Variants in TMEM181 observed in about 807,000 individuals in gnomAD.
TMEM181 encodes transmembrane protein 181.
Under a neutral mutation model 71.9 loss-of-function variants are expected in TMEM181, and 39 were observed. The observed-to-expected ratio is 0.54, with a 90% CI of 0.42 to 0.71. The LOEUF is 0.71. Ranked by LOEUF, TMEM181 falls within the 30% of genes least tolerant of loss-of-function variation. TMEM181 has a pLI of 0.00. For synonymous variants in TMEM181, 245 were observed against 228.8 expected (o/e 1.07, Z -0.64); for missense variants, 595 against 583.0 (o/e 1.02, Z -0.21).
intron 5 of TMEM181, among the ~76,000 whole-genome samples, chr6:158,587,582 A>G (rs1444378650): frequency 3.3e-5 from 5 of 150,556 alleles, no homozygotes; most frequent in African/African-American, 1.2e-4. Flanking sequence ...CTCCTGCTTC[A>G]GCCTCCCAAG....
chr6:158,557,621 A>G (rs1781949776), upstream of TMEM181, among the ~76,000 whole-genome samples: 2 of 151,976 alleles, frequency 1.3e-5, no homozygotes, highest in African/African-American at 4.8e-5. Context: ...GGGTTTAAGC[A>G]ATTCTCCTGC....
At chr6:158,538,258 A>G (rs966235825) in intron 1 of TMEM181, among the ~76,000 whole-genome samples, 5 of 150,924 alleles carry the variant, frequency 3.3e-5, no homozygotes, top group African/African-American at 1.2e-4. Flanking sequence ...TGGCTCAACC[A>G]AGCAATCCTT....
chr6:158,605,110 T>C (rs1392666848), intron 6 of TMEM181, among the ~76,000 whole-genome samples, 157 bp from the exon 7 acceptor site: 1 of 116,628 alleles, frequency 8.6e-6, no homozygotes, highest in Admixed American at 9.1e-5. Context: ...CGAGACTCCA[T>C]ATCCAAAAAA....
intron 6 of TMEM181, among the ~76,000 whole-genome samples, chr6:158,596,659 C>T (rs1203333393): frequency 2.0e-5 from 3 of 152,110 alleles, no homozygotes; most frequent in African/African-American, 7.2e-5. Flanking sequence ...CAAAGACGTA[C>T]CCAAGACTGG....
At chr6:158,578,334 A>G (rs567714459) in intron 2 of TMEM181, among the ~76,000 whole-genome samples, 1 of 152,346 alleles carries the variant, frequency 6.6e-6, no homozygotes, top group East Asian at 1.9e-4. Context: ...AAAAGCTCAT[A>G]TTATTGTAAC....
chr6:158,549,796 T>G (rs1176353380), intron 1 of TMEM181, among the ~76,000 whole-genome samples: 2 of 152,252 alleles, frequency 1.3e-5, no homozygotes, highest in Admixed American at 6.5e-5. Context: ...TGGGCAGGTG[T>G]TGTTGCAGGA....
rs113307938 is a variant in TMEM181 at position 158,630,389 on chromosome 6, G to A, written c.1282+570G>A. ...CATGTGCCTGTAGTCCTAGCTACTC[G>A]GTTGGCTGAGGAGGGACGGTCGCTT... On this transcript the variant is annotated intron_variant, in intron 15 of 16. Coordinates refer to ENST00000684151, the MANE Select transcript of TMEM181 (RefSeq NM_001376852.1). Among the ~76,000 whole-genome samples the A allele has an allele frequency of 3.2e-4, 48 of 152,134 alleles. 2 individuals are homozygous for A. Among genetic ancestry groups the A allele is most frequent in the African/African-American group, 1.1e-3 (45 of 41,502 alleles).
intron 3 of TMEM181, among the ~76,000 whole-genome samples, chr6:158,582,620 G>C (rs559995626): frequency 2.0e-5 from 3 of 151,566 alleles, no homozygotes; most frequent in Non-Finnish European, 4.4e-5. Flanking sequence ...AGCCATGATT[G>C]CACCACTACA....
chr6:158,561,875 C>T (rs1017120104), intron 1 of TMEM181, among the ~76,000 whole-genome samples: 4 of 152,124 alleles, frequency 2.6e-5, no homozygotes, highest in African/African-American at 7.2e-5. Context: ...AGGCACCTAC[C>T]TGGAAACTGA....
chr6:158,629,250 T>C (rs571006581), intron 14 of TMEM181, among the ~76,000 whole-genome samples: 1 of 152,352 alleles, frequency 6.6e-6, no homozygotes, highest in South Asian at 2.1e-4. Flanking sequence ...TTTCAAAGTT[T>C]TGTGACTGAA....
chr6:158,629,190 T>C (rs1786522345), intron 14 of TMEM181, among the ~76,000 whole-genome samples: 1 of 152,202 alleles, frequency 6.6e-6, no homozygotes, highest in African/African-American at 2.4e-5. Flanking sequence ...CTGGGTTCTT[T>C]CTTTGGGATT....
At chr6:158,617,936 G>A (rs1201931508) in intron 10 of TMEM181, among the ~76,000 whole-genome samples, 2 of 152,250 alleles carry the variant, frequency 1.3e-5, no homozygotes, top group Admixed American at 6.5e-5. Context: ...ATGTGGTGCT[G>A]AGAAGAATGT....
rs1486085551 is a variant in TMEM181 at position 158,635,070 on chromosome 6, G to GA, written c.*3184dup. 1 of 151,826 alleles carries GA rather than the reference G, an allele frequency of 6.6e-6. No individual in the cohort carries two copies. Among genetic ancestry groups the GA allele is most frequent in the African/African-American group, 2.4e-5 (1 of 41,410 alleles). The allele number at this position is 151,826 out of a possible 1,614,324, so 9.4% of individuals were successfully genotyped here. On this transcript the variant is annotated 3_prime_UTR_variant, in exon 17 of 17. Transcript: ENST00000684151. Reference sequence around the variant, plus strand: ...ACAGATCTTTTCCCCTGGCCAAAGGGAAGTTGTATTAGTCTGTGACATCTT... The same window carrying GA: ...ACAGATCTTTTCCCCTGGCCAAAGGGAAAGTTGTATTAGTCTGTGACATCTT...
intron 1 of TMEM181, among the ~76,000 whole-genome samples, chr6:158,561,108 C>T (rs945410061): frequency 1.3e-5 from 2 of 152,176 alleles, no homozygotes; most frequent in African/African-American, 2.4e-5. Context: ...CCTGGGCGCG[C>T]TTCTTGGCTT....
rs202196627 is a variant in TMEM181 at position 158,608,702 on chromosome 6, T to C, written c.848T>C (p.Ile283Thr). 747 of 1,613,422 alleles carry C rather than the reference T, an allele frequency of 4.6e-4. 3 individuals are homozygous for C. The highest frequency in any genetic ancestry group is 1.7e-3 in the Admixed American group (101 of 59,866). ...CLTFYLPKFF[I>T]VGLLWLASVT... ...ACTTTCTATTTGCCTAAATTCTTCA[T>C]TGTTGGACTATTGTGGTTGGCTTCT... The change falls in exon 10 of 17, where the codon ATT becomes ACT. Residue 283 changes from isoleucine to threonine, a missense_variant. By Grantham distance (89) the Ile-to-Thr change is moderately conservative (BLOSUM62 -1). Transcript: ENST00000684151.
At chr6:158,595,149 AT>A (rs1186033582) in intron 6 of TMEM181, among the ~76,000 whole-genome samples, 1 of 152,202 alleles carries the variant, frequency 6.6e-6, no homozygotes, top group African/African-American at 2.4e-5. Context: ...AATTGTACTA[AT>A]TACTAACATC....
intron 1 of TMEM181, among the ~76,000 whole-genome samples, chr6:158,570,782 A>T (rs929861924): frequency 6.6e-6 from 1 of 152,048 alleles, no homozygotes; most frequent in African/African-American, 2.4e-5. Context: ...CAGTACTGTT[A>T]ACTGAACTAA....
At position 158,631,361 on chromosome 6, in the gene TMEM181, AATGACTCGGATG is replaced by A; in HGVS notation, c.1326_1337del (p.Ser443_Asp446del). Reference sequence around the variant, plus strand: ...AGACAATCCTGCCTTCTCCATGCTGAATGACTCGGATGATGATGTGATTTATGGGTAAGTCCC... The same window carrying A: ...AGACAATCCTGCCTTCTCCATGCTGAATGATGTGATTTATGGGTAAGTCCC... On this transcript the variant is annotated inframe_deletion, in exon 16 of 17. Transcript: ENST00000684151. 6.2e-7 allele frequency: 1 copy of A among 1,614,186 alleles called. No homozygotes were observed. The highest frequency in any genetic ancestry group is 8.5e-7 in the Non-Finnish European group (1 of 1,180,036).
At chr6:158,571,835 C>T (rs1782867382) in intron 1 of TMEM181, among the ~76,000 whole-genome samples, 1 of 152,232 alleles carries the variant, frequency 6.6e-6, no homozygotes. Flanking sequence ...CATGCACTCT[C>T]TCCAGACCTC....
Sources: gnomAD v4.1 joint callset for allele counts (sites outside exome capture counted in the v4.1 genomes callset) on GRCh38, gnomAD v4.1.1 for gene constraint, MANE v1.5 for transcripts, NCBI Gene and HGNC (gene_info 2026-07-23, HGNC 2026-07-21) for gene names.